The following SKP2 variants were observed in gnomAD, a reference collection of about 807,000 sequenced individuals.
The protein encoded by SKP2 is S-phase kinase-associated protein 2.
SKP2 carries 16 observed loss-of-function variants against 51.8 expected under a neutral mutation model. That is an observed-to-expected ratio of 0.31 (90% CI 0.21 to 0.47). SKP2 has a LOEUF of 0.47. Among genes scored for constraint, SKP2 ranks in the 20% least tolerant of loss-of-function variants. SKP2 has a pLI of 1.00. For synonymous variants in SKP2, 176 were observed against 198.6 expected, an observed-to-expected ratio of 0.89 and a Z score of 0.96; for missense variants, 377 against 505.3, an observed-to-expected ratio of 0.75 and a Z score of 2.43.
chr5:36,186,750 G>A (rs184034116), downstream of SKP2, among the ~76,000 whole-genome samples: 851 of 152,176 alleles, frequency 5.6e-3, 11 homozygotes, highest in African/African-American at 0.02. Context: ...GGATGATGCT[G>A]GCCTCACAAA....
chr5:36,178,374 G>A (rs1463646165), intron 9 of SKP2, among the ~76,000 whole-genome samples: 2 of 152,088 alleles, frequency 1.3e-5, no homozygotes, highest in East Asian at 3.9e-4. Flanking sequence ...AGATACTTCA[G>A]CTACACAGAG....
chr5:36,154,013 A>G (rs146281687), intron 2 of SKP2, among the ~76,000 whole-genome samples: 2 of 152,204 alleles, frequency 1.3e-5, no homozygotes, highest in African/African-American at 2.4e-5. Context: ...GAGATAGAGG[A>G]GTGGGCACAA....
chr5:36,159,527 C>A (rs900824730), intron 2 of SKP2, among the ~76,000 whole-genome samples: 1 of 151,912 alleles, frequency 6.6e-6, no homozygotes, highest in Non-Finnish European at 1.5e-5. Context: ...AGATGAGATT[C>A]CATGCCTGAG....
rs973269761 is a variant in SKP2, at chr5:36,190,504, T to C, written c.633-2117T>C. Among the ~76,000 whole-genome samples the C allele has an allele frequency of 3.3e-5, 5 of 152,136 alleles. No homozygotes were observed. In the South Asian group the frequency reaches 6.2e-4, roughly 19 times the overall value. On this transcript the variant is annotated intron_variant, in intron 6 of 7. Coordinates refer to the SKP2 transcript ENST00000677886. ...TTTGATCAGGTTATACTATGTGTTT[T>C]ATTGTCATTCAGAAACTATTTGAAT...
intron 7 of SKP2, chr5:36,193,259 A>G (rs377577623): frequency 6.6e-6 from 1 of 152,128 alleles, no homozygotes; most frequent in African/African-American, 2.4e-5. Context: ...GGCAGATCAC[A>G]AGGTCAGGAG....
At chr5:36,189,149 G>A (rs185253643), downstream of SKP2, among the ~76,000 whole-genome samples, 20 of 152,170 alleles carry the variant, frequency 1.3e-4, no homozygotes, top group African/African-American at 4.8e-4. Context: ...AAAGTTTTTA[G>A]CTTCTTTGCC....
In SKP2 at chr5:36,182,168, G is replaced by C. The variant is rs1271441513; in HGVS notation, c.*137G>C. On this transcript the variant is annotated 3_prime_UTR_variant, in exon 10 of 10. Coordinates refer to ENST00000274255, the MANE Select transcript of SKP2 (RefSeq NM_005983.4). ...CTGCAAGTATACTAGGGAGCCATTT[G>C]AGAGGGAAAACTATGAAATCTTGCT... The C allele has an allele frequency of 2.6e-5, 37 of 1,432,564 alleles. No individual in the cohort carries two copies. Among genetic ancestry groups the C allele is most frequent in the Non-Finnish European group, 3.1e-5 (34 of 1,096,606 alleles). The allele number at this position is 1,432,564 out of a possible 1,614,324, so 88.7% of individuals were successfully genotyped here.
intron 6 of SKP2, among the ~76,000 whole-genome samples, chr5:36,191,639 A>G (rs1381777689): frequency 6.6e-6 from 1 of 152,088 alleles, no homozygotes; most frequent in Non-Finnish European, 1.5e-5. Context: ...ACATTTATTG[A>G]CCATCCACAA....
At chr5:36,190,822 G>A (rs551106257) in intron 6 of SKP2, among the ~76,000 whole-genome samples, 1 of 151,474 alleles carries the variant, frequency 6.6e-6, no homozygotes, top group Admixed American at 6.6e-5. Flanking sequence ...GCAAAACCCA[G>A]ACCCATAATA....
chr5:36,183,889 T>G lies in SKP2; in HGVS notation c.*1858T>G. The G allele has an allele frequency of 6.4e-7, 1 of 1,559,544 alleles. No homozygotes were observed. Among genetic ancestry groups the G allele is most frequent in the Non-Finnish European group, 8.8e-7 (1 of 1,139,752 alleles). ...GATCCGGTTGGACTCTGACATCGGA[T>G]GCCCTCAAACATACAGAACTTCCAA... On this transcript the variant is annotated 3_prime_UTR_variant, in exon 10 of 10. Coordinates refer to ENST00000274255, the MANE Select transcript of SKP2 (RefSeq NM_005983.4).
chr5:36,167,187 GT>G (rs1481214371), intron 4 of SKP2, among the ~76,000 whole-genome samples: 141 of 152,206 alleles, frequency 9.3e-4, no homozygotes, highest in African/African-American at 3.3e-3. Flanking sequence ...CAATACTGAG[GT>G]TACTGCTATC....
intron 7 of SKP2, among the ~76,000 whole-genome samples, chr5:36,173,973 T>G (rs1745553609): frequency 6.6e-6 from 1 of 152,098 alleles, no homozygotes; most frequent in African/African-American, 2.4e-5. Flanking sequence ...AAAATGGAGA[T>G]AAGTAGAACC....
At chr5:36,181,672 G>T in intron 9 of SKP2, 146 bp from the exon 10 acceptor site, 1 of 775,228 alleles carries the variant, frequency 1.3e-6, no homozygotes, top group South Asian at 1.8e-5. Context: ...AGTTTAATTT[G>T]CTATTTTCTC....
At chr5:36,168,957 A>G (rs1745381283) in intron 5 of SKP2, among the ~76,000 whole-genome samples, 1 of 152,218 alleles carries the variant, frequency 6.6e-6, no homozygotes, top group Admixed American at 6.5e-5. Flanking sequence ...TCTAGGTAGG[A>G]GATCTCTAGG....
intron 2 of SKP2, 88 bp downstream of exon 2, chr5:36,153,130 T>A (rs1406721989): frequency 4.1e-5 from 54 of 1,317,360 alleles, no homozygotes; most frequent in Non-Finnish European, 5.5e-5. Context: ...ATCTTTAGCA[T>A]GGGTTCCTTT....
intron 2 of SKP2, among the ~76,000 whole-genome samples, chr5:36,158,475 GT>G (rs375260697): frequency 6.2e-4 from 94 of 152,322 alleles, no homozygotes; most frequent in African/African-American, 2.2e-3. Context: ...GTGTCATTCT[GT>G]GGTCAGCTGA....
At chr5:36,185,281 A>G (rs1054923393), downstream of SKP2, among the ~76,000 whole-genome samples, 5 of 152,136 alleles carry the variant, frequency 3.3e-5, no homozygotes, top group Admixed American at 1.3e-4. Flanking sequence ...CCATTTGTCA[A>G]TTTTAGCTTT....
Position 36,168,293 on chromosome 5 carries a change from T to C in SKP2, c.537-20T>C, listed in dbSNP as rs769529918. ...CCGTGAGAGCCACCTATGGAGCTCC[T>C]TTTTTCTCTCCGTGTTTAGCCCTTT... On this transcript the variant is annotated intron_variant, in intron 4 of 9. Coordinates refer to ENST00000274255, the MANE Select transcript of SKP2 (RefSeq NM_005983.4). 6.2e-7 allele frequency: 1 copy of C among 1,610,504 alleles called. No homozygotes were observed. Among genetic ancestry groups the C allele is most frequent in the Non-Finnish European group, 8.5e-7 (1 of 1,178,374 alleles).
rs560782246 is a variant in SKP2 at position 36,180,608 on chromosome 5, G to A, written c.1062-1210G>A. On this transcript the variant is annotated intron_variant, in intron 9 of 9. Coordinates refer to ENST00000274255, the MANE Select transcript of SKP2 (RefSeq NM_005983.4). ...AAGACTGGAAGAGCAGGTTAAACAC[G>A]GAAGGTCTTCAGACTAGCTGAACAG... Among the ~76,000 whole-genome samples the A allele has an allele frequency of 4.6e-5, 7 of 152,250 alleles. No individual in the cohort carries two copies. The East Asian group carries it at 5.8e-4, about 13-fold the overall frequency.
Sources: allele counts gnomAD v4.1 joint callset (sites outside exome capture counted in the v4.1 genomes callset), GRCh38; gene constraint gnomAD v4.1.1; transcripts MANE v1.5; gene names NCBI Gene and HGNC (gene_info 2026-07-23, HGNC 2026-07-21).